CADPS: variants seen among roughly 807,000 people sequenced by gnomAD.
CADPS encodes calcium-dependent secretion activator 1.
CADPS carries 57 observed loss-of-function variants against 167.3 expected under a neutral mutation model. The ratio of observed to expected loss-of-function variants is 0.34; its 90% CI spans 0.28 to 0.42. CADPS has a LOEUF of 0.42. CADPS is among the 20% of genes least tolerant of loss of function. The probability of loss-of-function intolerance (pLI) is 1.00; values close to 1 mark genes in which losing one functional copy is unlikely to be tolerated. For missense variants in CADPS, 1,414 were observed against 1,738.1 expected, an observed-to-expected ratio of 0.81 and a Z score of 3.32; for synonymous variants, 676 against 635.3, an observed-to-expected ratio of 1.06 and a Z score of -0.96.
intron 1 of CADPS, among the ~76,000 whole-genome samples, chr3:62,809,363 C>G (rs988402037): frequency 6.6e-6 from 1 of 152,200 alleles, no homozygotes; most frequent in East Asian, 1.9e-4. Context: ...ATGTCACTAC[C>G]TTTGCCCTCT....
At chr3:62,691,215 G>C (rs965526045) in intron 3 of CADPS, among the ~76,000 whole-genome samples, 1 of 151,990 alleles carries the variant, frequency 6.6e-6, no homozygotes, top group Non-Finnish European at 1.5e-5. Context: ...TTAGGACAGC[G>C]AAACTGCTCT....
chr3:62,652,224 C>T (rs1056779245), intron 4 of CADPS, among the ~76,000 whole-genome samples: 1 of 151,862 alleles, frequency 6.6e-6, no homozygotes, highest in African/African-American at 2.4e-5. Flanking sequence ...AATTCTCACC[C>T]AAAGTCTAAC....
At chr3:62,471,445 A>C (rs574960858) in intron 24 of CADPS, among the ~76,000 whole-genome samples, 21 of 152,152 alleles carry the variant, frequency 1.4e-4, no homozygotes, top group African/African-American at 4.8e-4. Flanking sequence ...AAATGGCTCC[A>C]TACCTTTTTT....
intron 3 of CADPS, among the ~76,000 whole-genome samples, chr3:62,680,615 G>A (rs2077010602): frequency 6.6e-6 from 1 of 152,026 alleles, no homozygotes; most frequent in Non-Finnish European, 1.5e-5. Flanking sequence ...GGACTGCTGT[G>A]ATAGTGGCTC....
Position 62,399,296 on chromosome 3 carries a change from A to G in CADPS, c.*110T>C. 2 of 986,896 alleles carry G rather than the reference A, an allele frequency of 2.0e-6. No homozygotes were observed. Among genetic ancestry groups the G allele is most frequent in the Non-Finnish European group, 3.1e-6 (2 of 654,096 alleles). 61.1% of individuals were successfully genotyped at this position (986,896 alleles called of 1,614,324 possible). ...TAAAATGGCAGTTGTATTGATAAAC[A>G]TCTCATGGGCATGGTAGTTGACAGA... is the stretch of plus-strand genomic sequence containing the variant. On this transcript the variant is annotated 3_prime_UTR_variant, in exon 30 of 30. Coordinates refer to ENST00000383710, the MANE Select transcript of CADPS (RefSeq NM_003716.4). The surrounding 1 kb of genome is among the most constrained non-coding windows in gnomAD (Gnocchi z 5.6).
At chr3:62,868,866 T>C (rs563292791) in intron 1 of CADPS, among the ~76,000 whole-genome samples, 90 of 152,240 alleles carry the variant, frequency 5.9e-4, no homozygotes, top group African/African-American at 6.3e-4. Flanking sequence ...GAGAGGACAT[T>C]AGAAATTATC....
At chr3:62,460,720 G>A (rs1450478805) in intron 26 of CADPS, among the ~76,000 whole-genome samples, 1 of 152,184 alleles carries the variant, frequency 6.6e-6, no homozygotes, top group Non-Finnish European at 1.5e-5. Flanking sequence ...AAATTCTAGT[G>A]GGGAGAAACA....
chr3:62,781,190 C>T, intron 1 of CADPS, among the ~76,000 whole-genome samples: 1 of 152,134 alleles, frequency 6.6e-6, no homozygotes, highest in Non-Finnish European at 1.5e-5. Flanking sequence ...GAGACTTGTC[C>T]TAGGGCAGAC....
At chr3:62,586,016 T>G (rs913591661) in intron 7 of CADPS, among the ~76,000 whole-genome samples, 9 of 152,220 alleles carry the variant, frequency 5.9e-5, no homozygotes, top group Admixed American at 2.6e-4. Context: ...CATCCATTCT[T>G]ATTGTCTGGA....
intron 28 of CADPS, among the ~76,000 whole-genome samples, chr3:62,407,874 C>T (rs754838432): frequency 1.3e-5 from 2 of 152,134 alleles, no homozygotes; most frequent in Non-Finnish European, 2.9e-5. Context: ...GCTGGGACTA[C>T]AGGTACAAGC....
At chr3:62,619,294 GT>G (rs1289526673) in intron 6 of CADPS, among the ~76,000 whole-genome samples, 2 of 152,076 alleles carry the variant, frequency 1.3e-5, no homozygotes, top group Non-Finnish European at 2.9e-5. Flanking sequence ...AATGGTGAGG[GT>G]AAATAAAAGG....
At chr3:62,411,571 G>T (rs902623263) in intron 28 of CADPS, among the ~76,000 whole-genome samples, 1 of 152,340 alleles carries the variant, frequency 6.6e-6, no homozygotes, top group Non-Finnish European at 1.5e-5. Context: ...CATGGGAAAA[G>T]CATCATTCAG....
chr3:62,447,390 A>T (rs1361714872), intron 26 of CADPS, among the ~76,000 whole-genome samples: 3 of 152,176 alleles, frequency 2.0e-5, no homozygotes, highest in African/African-American at 7.2e-5. Context: ...CCTGTTACAG[A>T]TTCTCTTAGA....
At chr3:62,640,869 C>T (rs569703142) in intron 6 of CADPS, among the ~76,000 whole-genome samples, 1 of 152,156 alleles carries the variant, frequency 6.6e-6, no homozygotes, top group Non-Finnish European at 1.5e-5. Flanking sequence ...TTACATTATA[C>T]AAAACTACCA....
chr3:62,462,387 G>A (rs1410935541), intron 26 of CADPS, among the ~76,000 whole-genome samples: 1 of 152,218 alleles, frequency 6.6e-6, no homozygotes, highest in Non-Finnish European at 1.5e-5. Flanking sequence ...AGATGGAGAC[G>A]AGAAATAAAT....
chr3:62,708,100 T>C (rs1304147998), intron 3 of CADPS, among the ~76,000 whole-genome samples: 1 of 151,972 alleles, frequency 6.6e-6, no homozygotes, highest in Non-Finnish European at 1.5e-5. Context: ...AATTTCTAAA[T>C]TGTCTCTAGA....
intron 3 of CADPS, among the ~76,000 whole-genome samples, chr3:62,689,870 G>T (rs935511618): frequency 2.6e-5 from 4 of 151,984 alleles, no homozygotes; most frequent in Non-Finnish European, 5.9e-5. Flanking sequence ...GAGAGATGAG[G>T]GGGGGCGGCG....
chr3:62,651,295 G>A (rs1248137899), intron 4 of CADPS, among the ~76,000 whole-genome samples: 2 of 152,124 alleles, frequency 1.3e-5, no homozygotes, highest in Admixed American at 1.3e-4. Flanking sequence ...TAAGAAACAC[G>A]TACATAAACA....
intron 9 of CADPS, 94 bp from the exon 10 acceptor site, chr3:62,557,607 G>A (rs748896320): frequency 2.1e-6 from 2 of 956,058 alleles, no homozygotes; most frequent in Non-Finnish European, 3.4e-6. Context: ...GATCTGGACT[G>A]AGTGGCTGGG....
Sources: gnomAD v4.1 joint callset for allele counts (sites outside exome capture counted in the v4.1 genomes callset) on GRCh38, gnomAD v4.1.1 for gene constraint, Gnocchi (gnomAD v3.1) non-coding constraint, MANE v1.5 for transcripts, NCBI Gene and HGNC (gene_info 2026-07-23, HGNC 2026-07-21) for gene names.